ECE1: variants seen among roughly 807,000 people sequenced by gnomAD.
ECE1 encodes endothelin converting enzyme 1, also known as endothelin-converting enzyme 1.
In ECE1, 35 loss-of-function variants were observed where a neutral mutation model predicts 98.6. The ratio of observed to expected loss-of-function variants is 0.35; its 90% CI spans 0.27 to 0.47. The LOEUF (loss-of-function observed/expected upper bound fraction) is 0.47. Ranked by LOEUF, ECE1 falls within the 20% of genes least tolerant of loss-of-function variation. The pLI is 1.00. For missense variants in ECE1, 814 were observed against 1,025.3 expected, an observed-to-expected ratio of 0.79 and a Z score of 2.81; for synonymous variants, 394 against 407.1, an observed-to-expected ratio of 0.97 and a Z score of 0.39.
chr1:21,319,236 T>G lies in ECE1; in HGVS notation c.3+26140A>C, dbSNP rs1377618939. On this transcript the variant is annotated intron_variant, in intron 1 of 18. Coordinates refer to the ECE1 transcript ENST00000415912. The surrounding 1 kb of genome is among the most constrained non-coding windows in gnomAD (Gnocchi z 4.4). Reference sequence around the variant, plus strand: ...GGTGTGCGTCTATAATCCCAGCTACTTGGGAGGCTGAGGTGGGACAATCGC... The same window carrying G: ...GGTGTGCGTCTATAATCCCAGCTACGTGGGAGGCTGAGGTGGGACAATCGC... Among the ~76,000 whole-genome samples the G allele has an allele frequency of 6.6e-6, 1 of 152,178 alleles. No individual in the cohort carries two copies. Among genetic ancestry groups the G allele is most frequent in the Admixed American group, 6.5e-5 (1 of 15,288 alleles).
At chr1:21,227,892 G>A in intron 15 of ECE1, 39 bp downstream of exon 15, 1 of 1,509,416 alleles carries the variant, frequency 6.6e-7, no homozygotes. Flanking sequence ...GCTGGGCTGG[G>A]GGAAAAGAAT....
chr1:21,262,622 A>G (rs2098228501), intron 4 of ECE1, among the ~76,000 whole-genome samples: 1 of 152,154 alleles, frequency 6.6e-6, no homozygotes, highest in African/African-American at 2.4e-5. Flanking sequence ...GGCCACAAAG[A>G]TAAGAGGCCT....
chr1:21,332,843 G>A (rs1019395408), intron 1 of ECE1, among the ~76,000 whole-genome samples: 3 of 150,104 alleles, frequency 2.0e-5, no homozygotes, highest in South Asian at 2.1e-4. Flanking sequence ...ACACAGGATG[G>A]GGGTGGGGTG....
chr1:21,256,818 T>C (rs212524), intron 7 of ECE1: 103,744 of 154,582 alleles, frequency 0.67, 35,649 homozygotes, highest in African/African-American at 0.82. Context: ...TTTCTCAGCT[T>C]CACTTTCTCT....
rs2098165225 is a variant in ECE1 at position 21,219,915 on chromosome 1, C to A, written c.*40G>T. The A allele has an allele frequency of 6.2e-7, 1 of 1,612,250 alleles. No homozygotes were observed. The highest frequency in any genetic ancestry group is 1.3e-5 in the African/African-American group (1 of 75,006). On this transcript the variant is annotated 3_prime_UTR_variant, in exon 19 of 19. Transcript: ENST00000374893. The surrounding 1 kb of genome is among the most constrained non-coding windows in gnomAD (Gnocchi z 4.5). ...GGCTGGATGGGGGTCTCGTCCTCAG[C>A]CCCTTCCCCTCCTCCGTCTTGGCTC... is the stretch of plus-strand genomic sequence containing the variant.
intron 1 of ECE1, among the ~76,000 whole-genome samples, chr1:21,310,854 C>A (rs753596150): frequency 1.3e-5 from 2 of 152,158 alleles, no homozygotes; most frequent in Non-Finnish European, 2.9e-5. Context: ...AAGGGGCCAA[C>A]CAGGATGAAA....
chr1:21,297,683 C>T lies in ECE1; in HGVS notation c.4-7527G>A, dbSNP rs372651087. 4.1e-3 allele frequency among the ~76,000 whole-genome samples: 624 copies of T among 150,742 alleles called. 4 individuals are homozygous for T. Among genetic ancestry groups the T allele is most frequent in the African/African-American group, 0.014 (591 of 41,064 alleles). On this transcript the variant is annotated intron_variant, in intron 1 of 18. Coordinates refer to the ECE1 transcript ENST00000415912. The stretch of plus-strand genomic sequence containing the variant: ...TCCCGAGTAGCTGGGACTACAGGCG[C>T]CCGCCACCATGCCCGGCTAATTTTT...
upstream of ECE1, among the ~76,000 whole-genome samples, chr1:21,295,318 C>G (rs1638324942): frequency 6.6e-6 from 1 of 152,160 alleles, no homozygotes; most frequent in Admixed American, 6.5e-5. Flanking sequence ...CAAGACCAGC[C>G]TGGGAAACAC....
At chr1:21,282,485 G>T (rs1301552530) in intron 2 of ECE1, among the ~76,000 whole-genome samples, 1 of 151,872 alleles carries the variant, frequency 6.6e-6, no homozygotes, top group Admixed American at 6.6e-5. Context: ...CTACTGGGGA[G>T]GCTGAGGTGA....
At chr1:21,328,154 G>T (rs956179134) in intron 1 of ECE1, among the ~76,000 whole-genome samples, 1 of 152,218 alleles carries the variant, frequency 6.6e-6, no homozygotes, top group African/African-American at 2.4e-5. Flanking sequence ...TGTTCTCACA[G>T]CCTAGACTCT....
At chr1:21,332,496 C>T (rs572983974) in intron 1 of ECE1, among the ~76,000 whole-genome samples, 1 of 144,992 alleles carries the variant, frequency 6.9e-6, no homozygotes, top group African/African-American at 2.6e-5. Flanking sequence ...GAATTAAGTA[C>T]TTTGCCTGAG....
In ECE1 at chr1:21,258,600, G is replaced by T; in HGVS notation, c.762+93C>A. On this transcript the variant is annotated intron_variant, in intron 6 of 18. Coordinates refer to ENST00000374893, the MANE Select transcript of ECE1 (RefSeq NM_001397.3). This position sits in a 1 kb window ranked among gnomAD's most constrained non-coding sequence, Gnocchi z 4.2. ...CTAGAAGACCGCCGTCCCACCCAGGGCAAGCCCCTCTCCCACCCCAGGTCC... is the reference window on the plus strand; with the variant it reads ...CTAGAAGACCGCCGTCCCACCCAGGTCAAGCCCCTCTCCCACCCCAGGTCC... 1 of 1,367,532 alleles carries T rather than the reference G, an allele frequency of 7.3e-7. No individual in the cohort carries two copies. Among genetic ancestry groups the T allele is most frequent in the Non-Finnish European group, 1.0e-6 (1 of 986,624 alleles). 84.7% of individuals were successfully genotyped at this position (1,367,532 alleles called of 1,614,324 possible).
At chr1:21,273,019 G>T in intron 3 of ECE1, 108 bp from the exon 4 acceptor site, 2 of 1,222,464 alleles carry the variant, frequency 1.6e-6, no homozygotes, top group South Asian at 1.3e-5. Flanking sequence ...CCCTGGCCCT[G>T]ACCACACAGA....
In ECE1 at chr1:21,238,138, C is replaced by T. The variant is rs141146885; in HGVS notation, c.1385G>A (p.Ser462Asn). ...VKATFAEDSK[S>N]IATEIILEIK... ...GTCCACGGGGAAGGCACTTACTATG[C>T]TCTTGCTGTCCTCGGCGAAGGTTGC... The change falls in exon 11 of 19, where the codon AGC (serine) becomes AAC (asparagine). Residue 462 changes from serine (S) to asparagine (N), a missense_variant. By Grantham distance (46) the Ser-to-Asn change is conservative. Transcript: ENST00000374893. 4.6e-3 allele frequency: 7,439 copies of T among 1,614,136 alleles called. 22 individuals are homozygous for T. Among genetic ancestry groups the T allele is most frequent in the Non-Finnish European group, 5.7e-3 (6,672 of 1,179,944 alleles).
intron 4 of ECE1, among the ~76,000 whole-genome samples, chr1:21,269,095 C>CTT (rs560979881): frequency 2.1e-3 from 321 of 152,336 alleles, no homozygotes; most frequent in Admixed American, 3.0e-3. Context: ...GGCAGGCGAA[C>CTT]CACACTTCTC....
chr1:21,225,201 G>C lies in ECE1; in HGVS notation c.2040+49C>G. ...ATGATCCTCTACGGACAGGCATCTG[G>C]AAGGAGCCAGCACTGGGACCGTGCG... On this transcript the variant is annotated intron_variant, in intron 17 of 18. Transcript: ENST00000374893. The surrounding 1 kb of genome is among the most constrained non-coding windows in gnomAD (Gnocchi z 5.3). 3 of 1,604,968 alleles carry C rather than the reference G, an allele frequency of 1.9e-6. No homozygotes were observed. The South Asian group carries it at 3.3e-5, about 18-fold the overall frequency.
intron 3 of ECE1, 72 bp downstream of exon 3, chr1:21,279,119 C>T: frequency 1.2e-6 from 2 of 1,612,684 alleles, no homozygotes; most frequent in East Asian, 4.5e-5. Flanking sequence ...GCAGGGAAGC[C>T]CCCCTCGCCC....
intron 1 of ECE1, among the ~76,000 whole-genome samples, chr1:21,311,762 G>A (rs1638729440): frequency 6.6e-6 from 1 of 151,788 alleles, no homozygotes; most frequent in Non-Finnish European, 1.5e-5. Context: ...GTTGCAGTGA[G>A]CAGTGATTGT....
chr1:21,293,516 C>T (rs150990927), upstream of ECE1: 5 of 152,254 alleles, frequency 3.3e-5, no homozygotes, highest in Admixed American at 6.6e-5. Context: ...GGAAGCCACC[C>T]CAGGGACTCT....
Sources: gnomAD v4.1 joint callset for allele counts (sites outside exome capture counted in the v4.1 genomes callset) on GRCh38, gnomAD v4.1.1 for gene constraint, Gnocchi (gnomAD v3.1) non-coding constraint, MANE v1.5 for transcripts, NCBI Gene and HGNC (gene_info 2026-07-23, HGNC 2026-07-21) for gene names.